Variants in ZNF723 observed in about 807,000 individuals in gnomAD.
The protein encoded by ZNF723 is zinc finger protein 723, pseudogene.
ZNF723 carries 5 observed loss-of-function variants against 9.4 expected under a neutral mutation model. The observed-to-expected ratio is 0.53, with a 90% confidence interval of 0.28 to 1.12. The LOEUF (loss-of-function observed/expected upper bound fraction) is 1.12. Among genes scored for constraint, ZNF723 ranks in the 50% most tolerant of loss-of-function variants. The probability of loss-of-function intolerance (pLI) is 0.10; values close to 1 mark genes in which losing one functional copy is unlikely to be tolerated. For synonymous variants in ZNF723, 158 were observed against 168.8 expected, an observed-to-expected ratio of 0.94 and a Z score of 0.49; for missense variants, 450 against 501.5, an observed-to-expected ratio of 0.90 and a Z score of 0.98.
In ZNF723 at chr19:22,857,219, A is replaced by G; in HGVS notation, c.328A>G (p.Asn110Asp). 1 of 887,072 alleles carries G rather than the reference A, an allele frequency of 1.1e-6. No individual in the cohort carries two copies. Among genetic ancestry groups the G allele is most frequent in the East Asian group, 2.4e-5 (1 of 41,744 alleles). The allele number at this position is 887,072 out of a possible 1,614,324, so 55.0% of individuals were successfully genotyped here. Reference sequence around the variant, plus strand: ...AAGCTATGGAAAATATGGACATGACAATTTACAATTAAGAAAAGGCTGTGA... The same window carrying G: ...AAGCTATGGAAAATATGGACATGACGATTTACAATTAAGAAAAGGCTGTGA... ...LRSYGKYGHD[N>D]LQLRKGCESV... Residue 110 changes from asparagine to aspartate, a missense_variant, in exon 4 of 4, where the codon AAT becomes GAT. Coordinates refer to ENST00000600766, the MANE Select transcript of ZNF723 (RefSeq NM_001349726.2).
At chr19:22,840,121 G>C (rs575751303) in intron 1 of ZNF723, among the ~76,000 whole-genome samples, 42 of 152,034 alleles carry the variant, frequency 2.8e-4, no homozygotes, top group African/African-American at 8.4e-4. Flanking sequence ...CTTTGGTTTA[G>C]TTAGGTCTCA....
intron 1 of ZNF723, among the ~76,000 whole-genome samples, chr19:22,839,028 T>A (rs1967205005): frequency 6.6e-6 from 1 of 152,204 alleles, no homozygotes; most frequent in Admixed American, 6.5e-5. Context: ...ATTACGGGCA[T>A]GAGCCACCAC....
intron 1 of ZNF723, among the ~76,000 whole-genome samples, chr19:22,833,789 G>A (rs1967128601): frequency 6.6e-6 from 1 of 150,534 alleles, no homozygotes; most frequent in Non-Finnish European, 1.5e-5. Context: ...TTGTAGAGAC[G>A]GGGTTTTGTA....
In ZNF723 at chr19:22,858,080, T is replaced by A; in HGVS notation, c.1189T>A (p.Tyr397Asn). 1 of 1,509,290 alleles carries A rather than the reference T, an allele frequency of 6.6e-7. No homozygotes were observed. The highest frequency in any genetic ancestry group is 1.4e-5 in the African/African-American group (1 of 72,934). 93.5% of individuals were successfully genotyped at this position (1,509,290 alleles called of 1,614,324 possible). ...HKRIHTGEKPYKCEECGKAFN... is the reference protein window; with the variant it reads ...HKRIHTGEKPNKCEECGKAFN... Reference sequence around the variant, plus strand: ...GAGAATTCATACTGGAGAGAAACCCTACAAATGTGAAGAATGTGGCAAAGC... The same window carrying A: ...GAGAATTCATACTGGAGAGAAACCCAACAAATGTGAAGAATGTGGCAAAGC... The change falls in exon 4 of 4, where the codon TAC becomes AAC. Residue 397 changes from tyrosine to asparagine, a missense_variant. Physicochemically the swap from Tyr to Asn is moderately radical, Grantham distance 143. Around this residue, in one of 5 missense-constraint regions of ZNF723, gnomAD observed 237 missense variants for 332.2 expected, o/e 0.71. Coordinates refer to ENST00000600766, the MANE Select transcript of ZNF723 (RefSeq NM_001349726.2).
At chr19:22,813,666 A>G in the ZNF723 span, among the ~76,000 whole-genome samples, 6 of 151,842 alleles carry the variant, frequency 4.0e-5, no homozygotes, top group Non-Finnish European at 7.4e-5. Context: ...GCTTGAATCC[A>G]GGAGGTGGGT....
At chr19:22,854,696 C>T (rs1172382690) in intron 3 of ZNF723, among the ~76,000 whole-genome samples, 1 of 152,052 alleles carries the variant, frequency 6.6e-6, no homozygotes, top group Non-Finnish European at 1.5e-5. Flanking sequence ...CACAAAACCT[C>T]TAAAAGATAT....
the ZNF723 span, among the ~76,000 whole-genome samples, chr19:22,826,670 C>A: frequency 1.6e-4 from 24 of 152,276 alleles, no homozygotes; most frequent in African/African-American, 5.8e-4. Context: ...CAGTCAAATG[C>A]GGACTCGTGT....
chr19:22,840,114 T>C (rs1967222385), intron 1 of ZNF723, among the ~76,000 whole-genome samples: 1 of 152,204 alleles, frequency 6.6e-6, no homozygotes, highest in Non-Finnish European at 1.5e-5. Context: ...AGAAGCTCTT[T>C]GGTTTAGTTA....
At chr19:22,841,170 G>T (rs1027041632) in intron 1 of ZNF723, among the ~76,000 whole-genome samples, 2 of 152,272 alleles carry the variant, frequency 1.3e-5, no homozygotes, top group Non-Finnish European at 2.9e-5. Context: ...ATTTCTGTAG[G>T]AGAGTGGGAG....
chr19:22,821,416 C>T, the ZNF723 span, among the ~76,000 whole-genome samples: 1,166 of 152,240 alleles, frequency 7.7e-3, 14 homozygotes, highest in African/African-American at 0.027. Flanking sequence ...TATATATTCT[C>T]TCCTGCCTGG....
At chr19:22,848,557 A>G (rs903241542) in intron 2 of ZNF723, among the ~76,000 whole-genome samples, 170 bp downstream of exon 2, 4 of 152,122 alleles carry the variant, frequency 2.6e-5, no homozygotes, top group Admixed American at 6.6e-5. Flanking sequence ...CAAGATAAAC[A>G]TCTTGAAGTT....
the ZNF723 span, among the ~76,000 whole-genome samples, chr19:22,823,636 T>C: frequency 6.6e-6 from 1 of 152,244 alleles, no homozygotes; most frequent in Non-Finnish European, 1.5e-5. Context: ...TTGTGGCATA[T>C]GTCTTTGCCC....
At chr19:22,832,416 G>A in intron 1 of ZNF723, 34 bp downstream of exon 1, 1 of 1,363,970 alleles carries the variant, frequency 7.3e-7, no homozygotes, top group East Asian at 2.6e-5. Flanking sequence ...CCGAGAGAGG[G>A]GAAGGGCTGG....
At chr19:22,836,450 G>T (rs1967168233) in intron 1 of ZNF723, among the ~76,000 whole-genome samples, 1 of 152,188 alleles carries the variant, frequency 6.6e-6, no homozygotes, top group African/African-American at 2.4e-5. Context: ...TTTAAGGATT[G>T]CAAAGGATAG....
intron 1 of ZNF723, among the ~76,000 whole-genome samples, chr19:22,845,890 T>C (rs1406139816): frequency 1.5e-5 from 1 of 66,676 alleles, no homozygotes; most frequent in Non-Finnish European, 2.9e-5. Flanking sequence ...AAAATATGCC[T>C]TTTTTTTTTT....
upstream of ZNF723, among the ~76,000 whole-genome samples, chr19:22,830,072 A>G (rs1405931442): frequency 1.3e-5 from 2 of 152,116 alleles, no homozygotes; most frequent in African/African-American, 2.4e-5. Flanking sequence ...TTTTGAAATT[A>G]TGTCTATGAT....
At chr19:22,838,412 C>T (rs907104997) in intron 1 of ZNF723, among the ~76,000 whole-genome samples, 1 of 151,952 alleles carries the variant, frequency 6.6e-6, no homozygotes, top group African/African-American at 2.4e-5. Flanking sequence ...ATTAGCCGGG[C>T]GTGGTGGCAC....
chr19:22,818,455 C>T, the ZNF723 span, among the ~76,000 whole-genome samples: 1 of 152,070 alleles, frequency 6.6e-6, no homozygotes, highest in Non-Finnish European at 1.5e-5. Flanking sequence ...ATAGACACAC[C>T]TTAGAGGCTG....
At chr19:22,848,433 C>CT in intron 2 of ZNF723, 46 bp downstream of exon 2, 5 of 1,252,954 alleles carry the variant, frequency 4.0e-6, no homozygotes, top group Admixed American at 2.3e-5. Context: ...GTAAATGTTT[C>CT]TTTTTTTGGT....
Sources: gnomAD v4.1 joint callset for allele counts (sites outside exome capture counted in the v4.1 genomes callset) on GRCh38, gnomAD v4.1.1 for gene constraint, gnomAD v4.1.1 regional missense constraint, MANE v1.5 for transcripts, NCBI Gene and HGNC (gene_info 2026-07-23, HGNC 2026-07-21) for gene names.